HDAC4: variants seen among roughly 807,000 people sequenced by gnomAD.
HDAC4 encodes the protein histone deacetylase A.
HDAC4 carries 16 observed loss-of-function variants against 135.1 expected under a neutral mutation model. The ratio of observed to expected loss-of-function variants is 0.12; its 90% CI spans 0.08 to 0.18. HDAC4 has a LOEUF of 0.18. Among genes scored for constraint, HDAC4 ranks in the 10% least tolerant of loss-of-function variants. The pLI is 1.00. For synonymous variants in HDAC4, 685 were observed against 653.4 expected (o/e 1.05, Z -0.74); for missense variants, 1,143 against 1,511.8 (o/e 0.76, Z 4.05).
At chr2:239,075,250 A>AG (rs2034623770) in intron 22 of HDAC4, among the ~76,000 whole-genome samples, 1 of 150,988 alleles carries the variant, frequency 6.6e-6, no homozygotes, top group Non-Finnish European at 1.5e-5. Context: ...AAAAAAAAAA[A>AG]AAGAACTCAG....
At chr2:239,185,183 G>A (rs1399765193) in intron 4 of HDAC4, among the ~76,000 whole-genome samples, 2 of 151,972 alleles carry the variant, frequency 1.3e-5, no homozygotes, top group Admixed American at 1.3e-4. Flanking sequence ...TGTCTTCTGG[G>A]GAGAGGTGCA....
At chr2:239,385,540 A>T (rs1695737482) in intron 1 of HDAC4, among the ~76,000 whole-genome samples, 1 of 152,218 alleles carries the variant, frequency 6.6e-6, no homozygotes, top group Admixed American at 6.5e-5. Flanking sequence ...CTGAAGTCTC[A>T]GCCTCAAGCC....
At chr2:239,274,465 T>G (rs2050234119) in intron 2 of HDAC4, among the ~76,000 whole-genome samples, 1 of 152,210 alleles carries the variant, frequency 6.6e-6, no homozygotes, top group South Asian at 2.1e-4. Flanking sequence ...GAGATGGGAA[T>G]GAGCCAGGGC....
At chr2:239,065,901 T>G (rs1250392416) in intron 24 of HDAC4, among the ~76,000 whole-genome samples, 1 of 152,194 alleles carries the variant, frequency 6.6e-6, no homozygotes, top group Non-Finnish European at 1.5e-5. Context: ...CAAAACCCTG[T>G]AGACGGGTTC....
intron 2 of HDAC4, among the ~76,000 whole-genome samples, chr2:239,266,435 G>C (rs536893332): frequency 1.4e-4 from 21 of 152,286 alleles, no homozygotes; most frequent in African/African-American, 4.8e-4. Flanking sequence ...ACCTGCCCAG[G>C]GGGGCCTGGC....
At chr2:239,276,377 TGGACCCCAGGCCACA>T (rs1364318401) in intron 2 of HDAC4, among the ~76,000 whole-genome samples, 1 of 152,218 alleles carries the variant, frequency 6.6e-6, no homozygotes, top group Non-Finnish European at 1.5e-5. Flanking sequence ...TCCCTGTGTC[TGGACCCCAGGCCACA>T]GGACGGGGGC....
In HDAC4 at chr2:239,309,929, G is replaced by C. The variant is rs895254518; in HGVS notation, c.22+42749C>G. Among the ~76,000 whole-genome samples the C allele has an allele frequency of 2.0e-5, 3 of 152,220 alleles. No homozygotes were observed. Among genetic ancestry groups the C allele is most frequent in the Non-Finnish European group, 2.9e-5 (2 of 68,036 alleles). On this transcript the variant is annotated intron_variant, in intron 2 of 26. Coordinates refer to ENST00000543185, the MANE Select transcript of HDAC4 (RefSeq NM_001378414.1). This position sits in a 1 kb window ranked among gnomAD's most constrained non-coding sequence, Gnocchi z 4.2. ...TGCCTGGTCCCATGGGGCATGAAGG[G>C]AGGGTGGCCAGGGTGGCCCGAGCCA...
chr2:239,257,594 G>C (rs4355141), intron 2 of HDAC4, among the ~76,000 whole-genome samples: 1 of 152,306 alleles, frequency 6.6e-6, no homozygotes, highest in Admixed American at 6.5e-5. Context: ...GGGAAAAAAA[G>C]AGACTCCACA....
intron 12 of HDAC4, among the ~76,000 whole-genome samples, chr2:239,124,636 G>A (rs979090928): frequency 6.6e-5 from 4 of 60,948 alleles, no homozygotes; most frequent in African/African-American, 1.5e-4. Flanking sequence ...GCATGTGGCC[G>A]CACATCATTC....
At chr2:239,074,546 C>T (rs953979762) in intron 22 of HDAC4, among the ~76,000 whole-genome samples, 4 of 152,232 alleles carry the variant, frequency 2.6e-5, no homozygotes, top group Non-Finnish European at 4.4e-5. Flanking sequence ...GGCACTGGCA[C>T]GTCGGCCACA....
At chr2:239,383,155 C>T (rs1462397785) in intron 1 of HDAC4, among the ~76,000 whole-genome samples, 1 of 152,168 alleles carries the variant, frequency 6.6e-6, no homozygotes, top group East Asian at 1.9e-4. Flanking sequence ...ACCCCGCTCA[C>T]CCAAAGGCTC....
At chr2:239,055,028 T>C (rs538241936) in intron 24 of HDAC4, among the ~76,000 whole-genome samples, 195 bp from the exon 25 acceptor site, 178 of 152,234 alleles carry the variant, frequency 1.2e-3, no homozygotes, top group African/African-American at 4.1e-3. Context: ...AAGTGGATTT[T>C]TTTTTAGGAC....
At chr2:239,182,532 A>T (rs1490720838) in intron 4 of HDAC4, among the ~76,000 whole-genome samples, 1 of 152,240 alleles carries the variant, frequency 6.6e-6, no homozygotes, top group Non-Finnish European at 1.5e-5. Context: ...TGGAGTTTTA[A>T]TGAAACCAGC....
chr2:239,178,028 CCT>C (rs1559184016), intron 4 of HDAC4, among the ~76,000 whole-genome samples: 1 of 152,228 alleles, frequency 6.6e-6, no homozygotes, highest in East Asian at 1.9e-4. Flanking sequence ...TCCTTCCGCT[CCT>C]CTGAGATGGC....
At chr2:239,053,217 G>T in intron 26 of HDAC4, 81 bp from the exon 27 acceptor site, 1 of 1,550,622 alleles carries the variant, frequency 6.4e-7, no homozygotes, top group Non-Finnish European at 8.8e-7. Flanking sequence ...TGGGTTAAAG[G>T]CTGTGTGCTG....
chr2:239,099,006 G>C (rs571784732), intron 16 of HDAC4, among the ~76,000 whole-genome samples: 1 of 152,314 alleles, frequency 6.6e-6, no homozygotes, highest in South Asian at 2.1e-4. Flanking sequence ...GGTTGCCTTC[G>C]GAGAACAGGA....
chr2:239,357,888 CAAAAAAA>C lies in HDAC4; in HGVS notation c.-219-4977_-219-4971del, dbSNP rs71043188. On this transcript the variant is annotated intron_variant, in intron 1 of 26. Coordinates refer to ENST00000543185, the MANE Select transcript of HDAC4 (RefSeq NM_001378414.1). ...TGGGTGACAGAGCAAGCCTCTGTTCCAAAAAAAAAAAAAAAAAAAAAAAAAAAAAGAG... is the reference window on the plus strand; with the variant it reads ...TGGGTGACAGAGCAAGCCTCTGTTCCAAAAAAAAAAAAAAAAAAAAAAGAG... 5.1e-3 allele frequency among the ~76,000 whole-genome samples: 284 copies of C among 55,608 alleles called. 1 individual carries two copies. The highest frequency in any genetic ancestry group is 7.0e-3 in the Non-Finnish European group (217 of 30,952). The allele number at this position is 55,608 out of a possible 152,430, so 36.5% of individuals were successfully genotyped here. A position where few individuals can be genotyped will look rare whatever the true frequency, so the allele number is the denominator to read the frequency against.
In HDAC4 at chr2:239,198,403, G is replaced by A. The variant is rs141259899; in HGVS notation, c.95-8326C>T. Among the ~76,000 whole-genome samples, 631 of 152,302 alleles carry A rather than the reference G, an allele frequency of 4.1e-3. 4 individuals are homozygous for A. The highest frequency in any genetic ancestry group is 0.015 in the African/African-American group (614 of 41,570). On this transcript the variant is annotated intron_variant, in intron 3 of 26. Coordinates refer to ENST00000543185, the MANE Select transcript of HDAC4 (RefSeq NM_001378414.1). ...AGGGCTGGCCTACTGTCCACGAGAG[G>A]CGCCTCTCCATCCTGGGACTAGAGG... is the stretch of plus-strand genomic sequence containing the variant.
chr2:239,170,063 T>C (rs945635957), intron 5 of HDAC4, among the ~76,000 whole-genome samples: 3 of 152,212 alleles, frequency 2.0e-5, no homozygotes, highest in Non-Finnish European at 2.9e-5. Flanking sequence ...ATTTATTATT[T>C]CAAGAGTAAA....
Sources: allele counts gnomAD v4.1 joint callset (sites outside exome capture counted in the v4.1 genomes callset), GRCh38; gene constraint gnomAD v4.1.1; non-coding constraint Gnocchi (gnomAD v3.1); transcripts MANE v1.5; gene names NCBI Gene and HGNC (gene_info 2026-07-23, HGNC 2026-07-21).